NRG3: variants seen among roughly 807,000 people sequenced by gnomAD.
NRG3 encodes pro-neuregulin-3, membrane-bound isoform.
In NRG3, 31 loss-of-function variants were observed where a neutral mutation model predicts 66.9. That is an observed-to-expected ratio of 0.46 (90% confidence interval 0.35 to 0.63). The LOEUF (loss-of-function observed/expected upper bound fraction) is 0.63, where lower values mean the gene tolerates loss of function less well. Among genes scored for constraint, NRG3 ranks in the 20% least tolerant of loss-of-function variants. The pLI is 0.00. For missense variants in NRG3, 910 were observed against 878.9 expected, an observed-to-expected ratio of 1.04 and a Z score of -0.45; for synonymous variants, 393 against 359.4, an observed-to-expected ratio of 1.09 and a Z score of -1.06.
At position 82,356,445 on chromosome 10, in the gene NRG3, G is replaced by T. The variant is rs186128201; in HGVS notation, c.824-2294G>T. Among the ~76,000 whole-genome samples, 301 of 152,248 alleles carry T rather than the reference G, an allele frequency of 2.0e-3. 1 individual carries two copies. The highest frequency in any genetic ancestry group is 0.014 in the Middle Eastern group (4 of 294). On this transcript the variant is annotated intron_variant, in intron 1 of 8. Transcript: ENST00000372141. ...AGTCAACTGTGCACCGTTTCATATT[G>T]AATTTTTTGCTCAGAGCTCTTGAAT...
intron 1 of NRG3, among the ~76,000 whole-genome samples, chr10:81,919,722 A>G (rs1432779563): frequency 6.6e-6 from 1 of 152,122 alleles, no homozygotes; most frequent in Non-Finnish European, 1.5e-5. Flanking sequence ...TGGGACACCA[A>G]AACCAAGGCA....
intron 2 of NRG3, among the ~76,000 whole-genome samples, chr10:82,432,104 C>G (rs2089849779): frequency 6.6e-6 from 1 of 152,098 alleles, no homozygotes; most frequent in South Asian, 2.1e-4. Context: ...TTAGAGAAAA[C>G]TTAATGAATC....
intron 2 of NRG3, among the ~76,000 whole-genome samples, chr10:82,573,426 G>A (rs1303173207): frequency 4.6e-5 from 7 of 151,556 alleles, no homozygotes; most frequent in African/African-American, 1.7e-4. Flanking sequence ...ATATCTTTTG[G>A]CACCTGTGCT....
At chr10:82,532,562 A>T in intron 2 of NRG3, among the ~76,000 whole-genome samples, 1 of 147,728 alleles carries the variant, frequency 6.8e-6, no homozygotes, top group East Asian at 2.0e-4. Flanking sequence ...TGTATATAGT[A>T]CTATATATGT....
chr10:82,489,881 T>A (rs1010235060), intron 2 of NRG3, among the ~76,000 whole-genome samples: 2 of 152,160 alleles, frequency 1.3e-5, no homozygotes, highest in East Asian at 3.9e-4. Context: ...GATACTACGA[T>A]ATAAACCCTT....
At chr10:82,682,027 T>G (rs1270462204) in intron 2 of NRG3, among the ~76,000 whole-genome samples, 2 of 152,214 alleles carry the variant, frequency 1.3e-5, no homozygotes, top group African/African-American at 4.8e-5. Context: ...CAAGGGGTTT[T>G]AAAGGCACTG....
chr10:82,957,828 CAAAT>C lies in NRG3; in HGVS notation c.1158-1115_1158-1112del, dbSNP rs1231736130. 5.3e-5 allele frequency among the ~76,000 whole-genome samples: 8 copies of C among 151,846 alleles called. 1 individual carries two copies. The highest frequency in any genetic ancestry group is 1.9e-4 in the African/African-American group (8 of 41,328). The stretch of plus-strand genomic sequence containing the variant: ...GTATTCCCATTGCAACACTTATTTC[CAAAT>C]AAATATTTTCTTTTAGAGTCTCCAT... On this transcript the variant is annotated intron_variant, in intron 5 of 8. Coordinates refer to ENST00000372141, the MANE Select transcript of NRG3 (RefSeq NM_001010848.4).
intron 2 of NRG3, among the ~76,000 whole-genome samples, chr10:82,422,769 A>T (rs973610231): frequency 6.6e-5 from 10 of 152,150 alleles, no homozygotes; most frequent in Non-Finnish European, 1.0e-4. Flanking sequence ...CAGCTTTGCT[A>T]TGTGGTAAAT....
chr10:82,339,191 T>G (rs1294916340), intron 1 of NRG3, among the ~76,000 whole-genome samples: 1 of 152,208 alleles, frequency 6.6e-6, no homozygotes. Context: ...AGTTGCCTGT[T>G]TTAAACAAAT....
intron 1 of NRG3, among the ~76,000 whole-genome samples, chr10:81,944,793 A>G (rs1428803649): frequency 2.0e-5 from 3 of 152,168 alleles, no homozygotes; most frequent in Admixed American, 6.6e-5. Context: ...GATGGAAATT[A>G]TCCCTTCCAG....
At chr10:82,606,515 T>C (rs1282137432) in intron 2 of NRG3, among the ~76,000 whole-genome samples, 1 of 152,208 alleles carries the variant, frequency 6.6e-6, no homozygotes, top group Non-Finnish European at 1.5e-5. Flanking sequence ...ATTCTGTAGA[T>C]GACAATTAGA....
chr10:82,283,644 T>C (rs1259524950), intron 1 of NRG3, among the ~76,000 whole-genome samples: 2 of 152,126 alleles, frequency 1.3e-5, no homozygotes, highest in Non-Finnish European at 2.9e-5. Flanking sequence ...ATGATAATTA[T>C]ACTAAATATA....
At chr10:82,132,525 G>GATATATATGATATATATATATCAT (rs2068981322) in intron 1 of NRG3, among the ~76,000 whole-genome samples, 1 of 54,768 alleles carries the variant, frequency 1.8e-5, no homozygotes, top group African/African-American at 6.5e-5. Flanking sequence ...TGATATATAT[G>GATATATATGATATATATATATCAT]ATATATATAT....
At chr10:82,472,438 A>G (rs1841354551) in intron 2 of NRG3, among the ~76,000 whole-genome samples, 1 of 152,258 alleles carries the variant, frequency 6.6e-6, no homozygotes, top group South Asian at 2.1e-4. Context: ...GATTGAGATT[A>G]AGAGAATTTG....
chr10:82,970,608 A>G (rs749073812), intron 6 of NRG3, among the ~76,000 whole-genome samples: 36 of 152,184 alleles, frequency 2.4e-4, no homozygotes, highest in Admixed American at 3.9e-4. Flanking sequence ...TTCTGCCTTT[A>G]TATCTTAAGA....
At chr10:82,580,659 T>C (rs981395112) in intron 2 of NRG3, among the ~76,000 whole-genome samples, 4 of 152,012 alleles carry the variant, frequency 2.6e-5, no homozygotes, top group African/African-American at 9.7e-5. Flanking sequence ...TACGCAGTCT[T>C]TTTGGGCTTA....
intron 1 of NRG3, among the ~76,000 whole-genome samples, chr10:81,904,144 G>A (rs112191443): frequency 0.019 from 2,845 of 151,868 alleles, 78 homozygotes; most frequent in African/African-American, 0.063. Flanking sequence ...CTAGTAGCTG[G>A]GATTACAGGC....
chr10:82,215,243 C>A (rs1034263039), intron 1 of NRG3, among the ~76,000 whole-genome samples: 1 of 152,174 alleles, frequency 6.6e-6, no homozygotes, highest in Non-Finnish European at 1.5e-5. Context: ...GGTTGTAATT[C>A]AAATTTGAAT....
intron 2 of NRG3, among the ~76,000 whole-genome samples, chr10:82,734,783 C>T (rs1289473386): frequency 2.6e-5 from 4 of 151,968 alleles, no homozygotes; most frequent in African/African-American, 9.7e-5. Context: ...TTTGGGAGGC[C>T]AAGACAGGAG....
Sources: allele counts gnomAD v4.1 joint callset (sites outside exome capture counted in the v4.1 genomes callset), GRCh38; gene constraint gnomAD v4.1.1; transcripts MANE v1.5; gene names NCBI Gene and HGNC (gene_info 2026-07-23, HGNC 2026-07-21).